Variants in CPSF2 observed in about 807,000 individuals in gnomAD.
The protein encoded by CPSF2 is cleavage and polyadenylation specific factor 2.
In CPSF2, 51 loss-of-function variants were observed where a neutral mutation model predicts 84.2. That is an observed-to-expected ratio of 0.61 (90% CI 0.48 to 0.77). The LOEUF is 0.77. CPSF2 is among the 30% of genes least tolerant of loss of function. The probability of loss-of-function intolerance (pLI) is 0.00; values close to 1 mark genes in which losing one functional copy is unlikely to be tolerated. For missense variants in CPSF2, 641 were observed against 929.4 expected (o/e 0.69, Z 4.03); for synonymous variants, 286 against 311.9 (o/e 0.92, Z 0.87).
intron 2 of CPSF2, among the ~76,000 whole-genome samples, chr14:92,128,949 G>A (rs552459413): frequency 3.3e-5 from 5 of 152,314 alleles, no homozygotes; most frequent in African/African-American, 1.2e-4. Context: ...AACGGGTCAT[G>A]TAAAAGTCCT....
chr14:92,132,207 T>C (rs1044156627), intron 3 of CPSF2, among the ~76,000 whole-genome samples: 3 of 152,000 alleles, frequency 2.0e-5, no homozygotes, highest in Non-Finnish European at 4.4e-5. Flanking sequence ...TGCTTTTGGC[T>C]CACTGCAACT....
At position 92,167,526 on chromosome 14, in the gene CPSF2, G is replaced by GT. The variant is rs1357890157; in HGVS notation, c.*5784dup. On this transcript the variant is annotated 3_prime_UTR_variant, in exon 16 of 16. Coordinates refer to ENST00000298875, the MANE Select transcript of CPSF2 (RefSeq NM_017437.3). ...ATCCACACAGCTGTTTAAAGGCAGAGTTGGGATTGGAACCAAGTCTTAGAG... is the reference window on the plus strand; with the variant it reads ...ATCCACACAGCTGTTTAAAGGCAGAGTTTGGGATTGGAACCAAGTCTTAGAG... 1.3e-5 allele frequency: 2 copies of GT among 152,224 alleles called. No homozygotes were observed. Among genetic ancestry groups the GT allele is most frequent in the African/African-American group, 4.8e-5 (2 of 41,460 alleles). The allele number at this position is 152,224 out of a possible 1,614,324, so 9.4% of individuals were successfully genotyped here.
intron 2 of CPSF2, among the ~76,000 whole-genome samples, chr14:92,129,862 C>G (rs2068892524): frequency 6.6e-6 from 1 of 152,092 alleles, no homozygotes; most frequent in East Asian, 1.9e-4. Flanking sequence ...ATTCTCTCAT[C>G]TTGGCCTTCT....
In CPSF2 at chr14:92,159,294, A is replaced by G. The variant is rs769626360; in HGVS notation, c.2121+12A>G. The stretch of plus-strand genomic sequence containing the variant: ...TGCCACCTCATGAGGTAAAAAAAGC[A>G]TGTGCTTTTTTGATTTCTTCCTGAA... On this transcript the variant is annotated intron_variant, in intron 14 of 15. Coordinates refer to ENST00000298875, the MANE Select transcript of CPSF2 (RefSeq NM_017437.3). 6.4e-7 allele frequency: 1 copy of G among 1,556,590 alleles called. No individual in the cohort carries two copies. Among genetic ancestry groups the G allele is most frequent in the African/African-American group, 1.4e-5 (1 of 72,284 alleles).
At chr14:92,153,993 C>G (rs2069256086) in intron 9 of CPSF2, 1 of 158,216 alleles carries the variant, frequency 6.3e-6, no homozygotes, top group African/African-American at 2.4e-5. Flanking sequence ...CGTGCCCAGC[C>G]TCCCAGCTAA....
intron 7 of CPSF2, 71 bp downstream of exon 7, chr14:92,138,418 A>G: frequency 1.4e-6 from 1 of 737,282 alleles, no homozygotes; most frequent in Non-Finnish European, 2.0e-6. Flanking sequence ...GAATATAAGT[A>G]CATAAAAGTA....
chr14:92,154,982 G>T (rs1261331929), intron 10 of CPSF2, 141 bp from the exon 11 acceptor site: 5 of 615,158 alleles, frequency 8.1e-6, no homozygotes, highest in Middle Eastern at 4.3e-4. Context: ...GTGGTCTATT[G>T]TTGTTGACCG....
Position 92,159,210 on chromosome 14 carries a change from C to T in CPSF2, c.2049C>T (p.Phe683=), listed in dbSNP as rs762005562. The change falls in exon 14 of 16, where the codon TTC becomes TTT. Residue 683 remains phenylalanine, a synonymous_variant. Transcript: ENST00000298875. ...IAQQKAMKSL[F]GDDEKETGEE... is the part of the protein sequence containing the mutation. ...AACAAAAGGCCATGAAAAGTCTGTT[C>T]GGAGATGATGAAAAAGAAACAGGTG... The T allele has an allele frequency of 1.2e-5, 19 of 1,613,720 alleles. No homozygotes were observed. The highest frequency in any genetic ancestry group is 1.6e-4 in the Middle Eastern group (1 of 6,062).
intron 9 of CPSF2, among the ~76,000 whole-genome samples, chr14:92,145,115 G>T (rs375781308): frequency 6.6e-6 from 1 of 152,184 alleles, no homozygotes; most frequent in Non-Finnish European, 1.5e-5. Flanking sequence ...TAGTGGGATG[G>T]TTAATAACTG....
In CPSF2 at chr14:92,161,094, C is replaced by T. The variant is rs1415493626; in HGVS notation, c.2122-18C>T. 2 of 1,611,436 alleles carry T rather than the reference C, an allele frequency of 1.2e-6. No individual in the cohort carries two copies. Among genetic ancestry groups the T allele is most frequent in the Admixed American group, 1.7e-5 (1 of 59,520 alleles). On this transcript the variant is annotated intron_variant, in intron 14 of 15. Transcript: ENST00000298875. ...TGTTTTACTTGAAGTTATTCTTTCC[C>T]CTTTGACCTTATCTAAGGTTCCTGG...
At chr14:92,128,673 A>C (rs1316903754) in intron 2 of CPSF2, among the ~76,000 whole-genome samples, 3 of 152,214 alleles carry the variant, frequency 2.0e-5, no homozygotes, top group Non-Finnish European at 4.4e-5. Context: ...CTGAGTAAAA[A>C]CAGGAGGGGG....
At chr14:92,156,758 T>C in intron 12 of CPSF2, 127 bp downstream of exon 12, 2 of 629,186 alleles carry the variant, frequency 3.2e-6, no homozygotes, top group Non-Finnish European at 5.1e-6. Context: ...CTTTTAAAAT[T>C]TATTTTTGTA....
chr14:92,150,747 T>C (rs1243538502), intron 9 of CPSF2, among the ~76,000 whole-genome samples: 5 of 152,194 alleles, frequency 3.3e-5, no homozygotes, highest in African/African-American at 1.2e-4. Flanking sequence ...TTATGTGAAA[T>C]AATGACAGGG....
chr14:92,148,771 C>CAAAA (rs34118244), intron 9 of CPSF2, among the ~76,000 whole-genome samples: 1 of 74,874 alleles, frequency 1.3e-5, no homozygotes, highest in African/African-American at 4.6e-5. Context: ...GGCCTCTTCT[C>CAAAA]AAAAAAAAAA....
chr14:92,129,483 A>G (rs894870782), intron 2 of CPSF2, among the ~76,000 whole-genome samples: 4 of 152,152 alleles, frequency 2.6e-5, no homozygotes, highest in Non-Finnish European at 2.9e-5. Context: ...AAAGGTGGAT[A>G]TTCAGTTTAC....
rs189851442 is a variant in CPSF2 at position 92,171,550 on chromosome 14, C to G, written c.*9806C>G. 6.6e-6 allele frequency: 1 copy of G among 152,210 alleles called. No homozygotes were observed. Among genetic ancestry groups the G allele is most frequent in the Non-Finnish European group, 1.5e-5 (1 of 68,046 alleles). 9.4% of individuals were successfully genotyped at this position (152,210 alleles called of 1,614,324 possible). The stretch of plus-strand genomic sequence containing the variant: ...GGCTCGTCTTCTATTTTCCCTACCC[C>G]GCTCCTGACATCAGCCATTTCTCCA... On this transcript the variant is annotated 3_prime_UTR_variant, in exon 16 of 16. Coordinates refer to ENST00000298875, the MANE Select transcript of CPSF2 (RefSeq NM_017437.3).
chr14:92,146,991 C>T (rs1274705673), intron 9 of CPSF2, among the ~76,000 whole-genome samples: 1 of 148,338 alleles, frequency 6.7e-6, no homozygotes, highest in Non-Finnish European at 1.5e-5. Context: ...ATTTAAAATA[C>T]CTGCCTGGTT....
intron 9 of CPSF2, among the ~76,000 whole-genome samples, chr14:92,147,902 A>T (rs10131897): frequency 0.51 from 77,661 of 151,872 alleles, 21,378 homozygotes; most frequent in East Asian, 0.97. Context: ...TTAAAAAAAA[A>T]TTTATAGAGA....
rs1183104179 is a variant in CPSF2, at chr14:92,130,971, C to G, written c.-14C>G. ...GAAAGACTCTTCTAGCTTGCTGTTTCTGGACCAAAAAAAATGACGTCTATT... is the reference window on the plus strand; with the variant it reads ...GAAAGACTCTTCTAGCTTGCTGTTTGTGGACCAAAAAAAATGACGTCTATT... On this transcript the variant is annotated 5_prime_UTR_variant, in exon 3 of 16. Transcript: ENST00000298875. The G allele has an allele frequency of 2.5e-6, 4 of 1,607,800 alleles. No homozygotes were observed. The highest frequency in any genetic ancestry group is 2.7e-5 in the African/African-American group (2 of 74,560).
Sources: allele counts gnomAD v4.1 joint callset (sites outside exome capture counted in the v4.1 genomes callset), GRCh38; gene constraint gnomAD v4.1.1; transcripts MANE v1.5; gene names NCBI Gene and HGNC (gene_info 2026-07-23, HGNC 2026-07-21).